MYO6: variants seen among roughly 807,000 people sequenced by gnomAD.
The protein encoded by MYO6 is unconventional myosin-VI.
MYO6 carries 74 observed loss-of-function variants against 178.7 expected under a neutral mutation model. The observed-to-expected ratio is 0.41, with a 90% CI of 0.34 to 0.50. The LOEUF (loss-of-function observed/expected upper bound fraction) is 0.50. MYO6 is among the 20% of genes least tolerant of loss of function. The probability of loss-of-function intolerance (pLI) is 0.09; values close to 1 mark genes in which losing one functional copy is unlikely to be tolerated. For missense variants in MYO6, 1,330 were observed against 1,547.4 expected, an observed-to-expected ratio of 0.86 and a Z score of 2.36; for synonymous variants, 477 against 504.6, an observed-to-expected ratio of 0.95 and a Z score of 0.73.
chr6:75,877,722 A>G (rs531658157), intron 20 of MYO6, among the ~76,000 whole-genome samples: 3 of 152,152 alleles, frequency 2.0e-5, no homozygotes, highest in African/African-American at 7.2e-5. Context: ...ATCAAACTCC[A>G]AGAGTAAAAG....
chr6:75,786,512 C>T (rs561321982), intron 1 of MYO6, among the ~76,000 whole-genome samples: 124 of 152,304 alleles, frequency 8.1e-4, no homozygotes, highest in African/African-American at 2.9e-3. Flanking sequence ...AGTCTTCTCA[C>T]CTAAGGTCAT....
chr6:75,774,706 C>T (rs1308656824), intron 1 of MYO6, among the ~76,000 whole-genome samples: 1 of 151,890 alleles, frequency 6.6e-6, no homozygotes, highest in African/African-American at 2.4e-5. Flanking sequence ...GAAGTCTTCC[C>T]CTTAGCTTTA....
Position 75,841,377 on chromosome 6 carries a change from G to T in MYO6, c.815G>T (p.Arg272Leu). ...KLHLSSPDNF[R>L]YLNRGCTRYF... ...CATTTGAGTTCACCAGATAATTTTC[G>T]GGTAGGTCAGAAGAAAAGAAATTTC... Residue 272 changes from arginine (R) to leucine (L), a missense_variant and splice_region_variant, in exon 9 of 35, where the codon CGG becomes CTG. Physicochemically the swap from Arg to Leu is moderately radical, Grantham distance 102. Transcript: ENST00000369977. 1.9e-6 allele frequency: 3 copies of T among 1,613,080 alleles called. No individual in the cohort carries two copies. Among genetic ancestry groups the T allele is most frequent in the South Asian group, 1.1e-5 (1 of 91,038 alleles).
chr6:75,772,520 A>G (rs1159192199), intron 1 of MYO6, among the ~76,000 whole-genome samples: 2 of 152,220 alleles, frequency 1.3e-5, no homozygotes, highest in Non-Finnish European at 2.9e-5. Flanking sequence ...CCTTACTGAC[A>G]AAAAGAAATA....
At chr6:75,795,149 T>C (rs1366090064) in intron 1 of MYO6, among the ~76,000 whole-genome samples, 6 of 152,204 alleles carry the variant, frequency 3.9e-5, no homozygotes, top group African/African-American at 1.4e-4. Context: ...GACTTAAAGT[T>C]GTTAGTGTAA....
At chr6:75,838,162 G>A (rs973226082) in intron 7 of MYO6, among the ~76,000 whole-genome samples, 6 of 151,532 alleles carry the variant, frequency 4.0e-5, no homozygotes, top group African/African-American at 1.2e-4. Flanking sequence ...AAGTGATAGC[G>A]CTGCTTCATC....
At position 75,915,569 on chromosome 6, in the gene MYO6, G is replaced by A. The variant is rs986649146; in HGVS notation, c.*557G>A. 1 of 160,934 alleles carries A rather than the reference G, an allele frequency of 6.2e-6. No homozygotes were observed. The highest frequency in any genetic ancestry group is 2.4e-5 in the African/African-American group (1 of 41,456). The allele number at this position is 160,934 out of a possible 1,614,324, so 10.0% of individuals were successfully genotyped here. A position where few individuals can be genotyped will look rare whatever the true frequency, so the allele number is the denominator to read the frequency against. On this transcript the variant is annotated 3_prime_UTR_variant, in exon 35 of 35. Transcript: ENST00000369977. Reference sequence around the variant, plus strand: ...TCCTTTGCAGTGTCTTAGTTTGAATGAAACACTTCGAAGTTCTAGAATTCT... The same window carrying A: ...TCCTTTGCAGTGTCTTAGTTTGAATAAAACACTTCGAAGTTCTAGAATTCT...
At chr6:75,867,170 A>C (rs970837012) in intron 18 of MYO6, 65 bp downstream of exon 18, 8 of 1,304,618 alleles carry the variant, frequency 6.1e-6, no homozygotes, top group Non-Finnish European at 7.4e-6. Context: ...TATATTCTAA[A>C]ATGGATAATG....
At chr6:75,828,780 C>G (rs1375653721) in intron 4 of MYO6, among the ~76,000 whole-genome samples, 167 bp downstream of exon 4, 1 of 152,134 alleles carries the variant, frequency 6.6e-6, no homozygotes, top group Non-Finnish European at 1.5e-5. Flanking sequence ...TAATTTACAA[C>G]TCGAACTCTA....
chr6:75,773,983 A>G (rs1766134139), intron 1 of MYO6, among the ~76,000 whole-genome samples: 1 of 152,208 alleles, frequency 6.6e-6, no homozygotes, highest in Non-Finnish European at 1.5e-5. Flanking sequence ...TCATCTTTAT[A>G]AGGTGACTGG....
chr6:75,886,231 T>C (rs1011511177), intron 24 of MYO6, 137 bp downstream of exon 24: 1 of 632,702 alleles, frequency 1.6e-6, no homozygotes, highest in Non-Finnish European at 2.8e-6. Flanking sequence ...ATTAGTCTTT[T>C]ATTTGTAATA....
intron 4 of MYO6, 32 bp from the exon 5 acceptor site, chr6:75,830,384 G>T: frequency 6.3e-7 from 1 of 1,584,284 alleles, no homozygotes; most frequent in South Asian, 1.1e-5. Flanking sequence ...ATAGTAATTG[G>T]AATATTTTAT....
intron 1 of MYO6, among the ~76,000 whole-genome samples, chr6:75,758,713 C>T (rs1425688738): frequency 6.6e-6 from 1 of 152,184 alleles, no homozygotes; most frequent in Non-Finnish European, 1.5e-5. Flanking sequence ...CCGACTCGGC[C>T]TCCCAGAGTG....
intron 30 of MYO6, among the ~76,000 whole-genome samples, chr6:75,906,496 C>T (rs970776724): frequency 6.6e-6 from 1 of 151,894 alleles, no homozygotes; most frequent in Non-Finnish European, 1.5e-5. Context: ...GGCAACATGG[C>T]AAGACCCCAT....
At chr6:75,760,712 T>C (rs562024427) in intron 1 of MYO6, among the ~76,000 whole-genome samples, 2 of 151,768 alleles carry the variant, frequency 1.3e-5, no homozygotes, top group South Asian at 4.2e-4. Flanking sequence ...CACCTGTGGT[T>C]GGAAACCAAC....
chr6:75,883,035 G>A (rs1249204278), intron 23 of MYO6, among the ~76,000 whole-genome samples: 1 of 152,118 alleles, frequency 6.6e-6, no homozygotes, highest in Non-Finnish European at 1.5e-5. Context: ...AAGTGCAGAT[G>A]TATGATAAAG....
At chr6:75,758,870 A>C (rs1172405014) in intron 1 of MYO6, among the ~76,000 whole-genome samples, 1 of 151,170 alleles carries the variant, frequency 6.6e-6, no homozygotes, top group East Asian at 2.0e-4. Context: ...ATGTTTGTAT[A>C]GATCTTTTTT....
rs1459842911 is a variant in MYO6, at chr6:75,915,022, A to T, written c.*10A>T. Reference sequence around the variant, plus strand: ...GAGTCTGTTAAAGTAGATGTTGCACACCAGCCTTACAGCTGGGAGCCTTTG... The same window carrying T: ...GAGTCTGTTAAAGTAGATGTTGCACTCCAGCCTTACAGCTGGGAGCCTTTG... On this transcript the variant is annotated 3_prime_UTR_variant, in exon 35 of 35. Coordinates refer to ENST00000369977, the MANE Select transcript of MYO6 (RefSeq NM_004999.4). 6.2e-7 allele frequency: 1 copy of T among 1,608,744 alleles called. No homozygotes were observed. The highest frequency in any genetic ancestry group is 1.7e-5 in the Admixed American group (1 of 59,410).
At chr6:75,871,172 A>C (rs1230069260) in intron 19 of MYO6, among the ~76,000 whole-genome samples, 1 of 152,224 alleles carries the variant, frequency 6.6e-6, no homozygotes, top group Non-Finnish European at 1.5e-5. Context: ...CATAGAAAGA[A>C]ATTATATGTG....
Sources: allele counts gnomAD v4.1 joint callset (sites outside exome capture counted in the v4.1 genomes callset), GRCh38; gene constraint gnomAD v4.1.1; transcripts MANE v1.5; gene names NCBI Gene and HGNC (gene_info 2026-07-23, HGNC 2026-07-21).